Variants in ADGRL2 observed in about 807,000 individuals in gnomAD.
ADGRL2 encodes the protein adhesion G protein-coupled receptor L2.
Under a neutral mutation model 157.4 loss-of-function variants are expected in ADGRL2, and 44 were observed. The ratio of observed to expected loss-of-function variants is 0.28; its 90% confidence interval spans 0.22 to 0.36. The LOEUF is 0.36. Ranked by LOEUF, ADGRL2 falls within the 10% of genes least tolerant of loss-of-function variation. The pLI is 1.00. For missense variants in ADGRL2, 1,510 were observed against 1,768.9 expected, an observed-to-expected ratio of 0.85 and a Z score of 2.63; for synonymous variants, 585 against 624.7, an observed-to-expected ratio of 0.94 and a Z score of 0.95.
intron 1 of ADGRL2, among the ~76,000 whole-genome samples, chr1:81,391,928 A>C (rs932583478): frequency 3.3e-5 from 5 of 152,192 alleles, no homozygotes; most frequent in African/African-American, 1.2e-4. Flanking sequence ...TACTTTACCT[A>C]CTATGTGCTT....
At chr1:81,639,338 T>A (rs1209065558) in intron 3 of ADGRL2, among the ~76,000 whole-genome samples, 2 of 152,128 alleles carry the variant, frequency 1.3e-5, no homozygotes, top group Non-Finnish European at 2.9e-5. Flanking sequence ...CCCAAAGTGC[T>A]GGGGTTTCAG....
intron 1 of ADGRL2, among the ~76,000 whole-genome samples, chr1:81,357,835 T>C (rs1663427128): frequency 6.6e-6 from 1 of 152,212 alleles, no homozygotes; most frequent in Admixed American, 6.5e-5. Flanking sequence ...TAAGCTGTTG[T>C]GCCTCTGAAG....
chr1:81,929,622 T>G (rs1037113383), intron 3 of ADGRL2, among the ~76,000 whole-genome samples: 5 of 152,106 alleles, frequency 3.3e-5, no homozygotes, highest in African/African-American at 1.2e-4. Flanking sequence ...TAAAAGCAAT[T>G]TGTTGGGCAT....
At chr1:81,743,393 GT>G (rs5775639) in intron 1 of ADGRL2, among the ~76,000 whole-genome samples, 6,363 of 136,784 alleles carry the variant, frequency 0.047, 207 homozygotes, top group African/African-American at 0.096. Flanking sequence ...ATAACAGAAG[GT>G]TTTTTTTTTT....
intron 2 of ADGRL2, among the ~76,000 whole-genome samples, chr1:81,462,313 T>G (rs557671977): frequency 1.3e-5 from 2 of 152,354 alleles, no homozygotes; most frequent in Non-Finnish European, 2.9e-5. Context: ...TCTGCTGCCC[T>G]TCTATGTTGT....
intron 2 of ADGRL2, among the ~76,000 whole-genome samples, chr1:81,451,734 T>C (rs2077706218): frequency 1.3e-5 from 2 of 152,198 alleles, no homozygotes; most frequent in Non-Finnish European, 2.9e-5. Flanking sequence ...TTTACAAATA[T>C]AAATCCTATG....
chr1:81,334,111 G>A (rs1661463283), intron 1 of ADGRL2, among the ~76,000 whole-genome samples: 1 of 152,164 alleles, frequency 6.6e-6, no homozygotes, highest in African/African-American at 2.4e-5. Context: ...GACCAACACA[G>A]GACTTTTCCT....
chr1:81,681,255 G>A (rs764709465), intron 3 of ADGRL2, among the ~76,000 whole-genome samples: 3 of 152,342 alleles, frequency 2.0e-5, no homozygotes, highest in Middle Eastern at 3.4e-3. Context: ...GGGATGGAGG[G>A]CAAAGGAAGC....
intron 2 of ADGRL2, among the ~76,000 whole-genome samples, chr1:81,844,562 C>T (rs1275905660): frequency 1.3e-5 from 2 of 152,262 alleles, no homozygotes; most frequent in East Asian, 3.9e-4. Context: ...CCCCATGGTA[C>T]TCTATTTTCT....
chr1:81,989,560 C>T, intron 23 of ADGRL2: 2 of 854,562 alleles, frequency 2.3e-6, no homozygotes, highest in South Asian at 1.7e-5. Context: ...TGCTGGTAAT[C>T]TAATTTGTTG....
chr1:81,597,084 T>C (rs1455921713), intron 3 of ADGRL2, among the ~76,000 whole-genome samples: 1 of 152,206 alleles, frequency 6.6e-6, no homozygotes, highest in African/African-American at 2.4e-5. Flanking sequence ...AAAGAAAAGA[T>C]GGAAAGATAT....
At chr1:81,438,039 G>GAA (rs36104208) in intron 1 of ADGRL2, among the ~76,000 whole-genome samples, 4 of 144,090 alleles carry the variant, frequency 2.8e-5, no homozygotes, top group African/African-American at 7.8e-5. Flanking sequence ...CCTGTTTGGG[G>GAA]AAAAAAAAAA....
chr1:81,846,021 A>G (rs1032699429), intron 2 of ADGRL2, among the ~76,000 whole-genome samples: 1 of 151,856 alleles, frequency 6.6e-6, no homozygotes, highest in Non-Finnish European at 1.5e-5. Context: ...TTTTATTTAA[A>G]TTTTGAATCC....
intron 1 of ADGRL2, among the ~76,000 whole-genome samples, chr1:81,726,310 C>A (rs2149154211): frequency 6.6e-6 from 1 of 152,234 alleles, no homozygotes; most frequent in South Asian, 2.1e-4. Context: ...CGGCCAGTCA[C>A]ATGGGATTAA....
At chr1:81,454,824 G>A (rs764216520) in intron 2 of ADGRL2, among the ~76,000 whole-genome samples, 3 of 152,106 alleles carry the variant, frequency 2.0e-5, no homozygotes, top group Admixed American at 6.5e-5. Context: ...TTGCTTAAAC[G>A]TTTTAGAACA....
intron 3 of ADGRL2, among the ~76,000 whole-genome samples, chr1:81,624,804 C>A (rs1239942264): frequency 3.3e-5 from 5 of 152,154 alleles, no homozygotes; most frequent in Non-Finnish European, 7.3e-5. Flanking sequence ...TGGCAACCCC[C>A]CAAACTCATT....
At position 81,990,915 on chromosome 1, in the gene ADGRL2, C is replaced by G. The variant is rs142267708; in HGVS notation, c.4180C>G (p.Pro1394Ala). Reference protein sequence around the residue: ...SMPNLRDSPYPESSPDMEEDL... With the variant: ...SMPNLRDSPYAESSPDMEEDL... ...GCCCAATCTTAGAGACTCTCCCTAT[C>G]CGGAGAGCAGCCCTGACATGGAAGA... Residue 1394 changes from proline to alanine, a missense_variant, in exon 24 of 24, where the codon CCG becomes GCG. Transcript: ENST00000686636. 1,929 of 1,613,904 alleles carry G rather than the reference C, an allele frequency of 1.2e-3. 17 individuals carry two copies. The highest frequency in any genetic ancestry group is 8.7e-3 in the Middle Eastern group (53 of 6,062).
chr1:81,759,068 T>A (rs2085785093), intron 1 of ADGRL2, among the ~76,000 whole-genome samples: 1 of 152,164 alleles, frequency 6.6e-6, no homozygotes, highest in African/African-American at 2.4e-5. Flanking sequence ...TCAATTATAG[T>A]TAAAAATATA....
intron 18 of ADGRL2, chr1:81,981,299 A>T (rs1661609831): frequency 5.3e-6 from 1 of 188,716 alleles, no homozygotes; most frequent in South Asian, 1.1e-4. Flanking sequence ...TTTTTGTCTC[A>T]TTTCAGCTAG....
Sources: gnomAD v4.1 joint callset for allele counts (sites outside exome capture counted in the v4.1 genomes callset) on GRCh38, gnomAD v4.1.1 for gene constraint, MANE v1.5 for transcripts, NCBI Gene and HGNC (gene_info 2026-07-23, HGNC 2026-07-21) for gene names.